Variants in SLC16A2 observed in about 807,000 individuals in gnomAD.
SLC16A2 encodes monocarboxylate transporter 8.
SLC16A2 carries 3 observed loss-of-function variants against 27.2 expected under a neutral mutation model. The observed-to-expected ratio is 0.11, with a 90% confidence interval of 0.05 to 0.28. The LOEUF is 0.28. Among genes scored for constraint, SLC16A2 ranks in the 10% least tolerant of loss-of-function variants. The probability of loss-of-function intolerance (pLI) is 1.00; values close to 1 mark genes in which losing one functional copy is unlikely to be tolerated. For synonymous variants in SLC16A2, 202 were observed against 187.8 expected (o/e 1.08, Z -0.62); for missense variants, 295 against 458.5 (o/e 0.64, Z 3.26).
chrX:74,526,867 G>T lies in SLC16A2; in HGVS notation c.1170+974G>T, dbSNP rs138678330. The stretch of plus-strand genomic sequence containing the variant: ...TATCAGCAAGTGCTTTATCTGGGTG[G>T]CTATTTGCATAGGAATATGTGTGGC... On this transcript the variant is annotated intron_variant, in intron 4 of 5. Transcript: ENST00000587091. Among the ~76,000 whole-genome samples, 394 of 112,787 alleles carry T rather than the reference G, an allele frequency of 3.5e-3. 5 individuals carry two copies. The highest frequency in any genetic ancestry group is 0.013 in the African/African-American group (389 of 31,060).
intron 1 of SLC16A2, chrX:74,477,196 G>C (rs1360562588): frequency 8.9e-6 from 1 of 111,734 alleles, no homozygotes. Context: ...GTTCTTCCTG[G>C]TTTAGTCTTG....
chrX:74,494,677 G>T (rs769191257), intron 1 of SLC16A2, among the ~76,000 whole-genome samples: 12 of 111,158 alleles, frequency 1.1e-4, no homozygotes, highest in Non-Finnish European at 1.9e-4. Context: ...CCATGGACCT[G>T]CAGGCTCTTC....
intron 1 of SLC16A2, among the ~76,000 whole-genome samples, chrX:74,504,414 GCACCTGT>G (rs751439974): frequency 1.8e-5 from 2 of 111,058 alleles, no homozygotes; most frequent in Non-Finnish European, 3.8e-5. Context: ...TACTACAGAG[GCACCTGT>G]CACATAAGTA....
chrX:74,473,247 C>T, intron 1 of SLC16A2: 3 of 742,738 alleles, frequency 4.0e-6, no homozygotes, highest in South Asian at 4.2e-5. Flanking sequence ...TATAGCCATC[C>T]CCACCGCCAC....
intron 5 of SLC16A2, 57 bp downstream of exon 5, chrX:74,529,498 C>A: frequency 1.1e-6 from 1 of 890,630 alleles, no homozygotes; most frequent in South Asian, 2.2e-5. Context: ...TCCCTGGGTA[C>A]TGGCACTCCT....
intron 1 of SLC16A2, among the ~76,000 whole-genome samples, chrX:74,449,822 C>G (rs868208605): frequency 8.9e-6 from 1 of 111,888 alleles, no homozygotes. Flanking sequence ...GTGAGGAACT[C>G]TTTTAAGTTT....
At chrX:74,511,389 G>C (rs911748493) in intron 1 of SLC16A2, among the ~76,000 whole-genome samples, 5 of 111,301 alleles carry the variant, frequency 4.5e-5, no homozygotes, top group Non-Finnish European at 9.4e-5. Flanking sequence ...CACCGTGTTA[G>C]CTATGATGGT....
In SLC16A2 at chrX:74,529,436, T is replaced by C. The variant is rs1930534079; in HGVS notation, c.1394T>C (p.Ile465Thr). 3 of 1,165,950 alleles carry C rather than the reference T, an allele frequency of 2.6e-6. No individual in the cohort carries two copies. Among genetic ancestry groups the C allele is most frequent in the Non-Finnish European group, 2.3e-6 (2 of 868,574 alleles). The change falls in exon 5 of 6, where the codon ATT (isoleucine) becomes ACT (threonine). Residue 465 changes from isoleucine to threonine, a missense_variant. By Grantham distance (89) the Ile-to-Thr change is moderately conservative. Coordinates refer to ENST00000587091, the MANE Select transcript of SLC16A2 (RefSeq NM_006517.5). The stretch of plus-strand genomic sequence containing the variant: ...CTGCCAATGATTGCTGGGCCCCCCA[T>C]TGCAGGTGAGGCTGATATTCCAGGG... ...MALPMIAGPP[I>T]AGLLRNCFGD...
chrX:74,458,379 G>A (rs766412091), intron 1 of SLC16A2, among the ~76,000 whole-genome samples: 3 of 111,359 alleles, frequency 2.7e-5, no homozygotes, highest in Admixed American at 9.6e-5. Context: ...TCAGAGTTTC[G>A]CTCTTGTTGC....
At chrX:74,484,323 AAG>A (rs1233315777) in intron 1 of SLC16A2, among the ~76,000 whole-genome samples, 2 of 111,702 alleles carry the variant, frequency 1.8e-5, no homozygotes, top group African/African-American at 3.3e-5. Flanking sequence ...AAACAACTTG[AAG>A]TTGGGGCTTC....
At chrX:74,448,302 ATTTTTTTTTT>A (rs144467927) in intron 1 of SLC16A2, among the ~76,000 whole-genome samples, 25 of 64,252 alleles carry the variant, frequency 3.9e-4, no homozygotes, top group East Asian at 6.0e-4. Context: ...AATCCTTTGG[ATTTTTTTTTT>A]TTTTTTTTTT....
chrX:74,527,350 G>A (rs1043405751), intron 4 of SLC16A2, among the ~76,000 whole-genome samples: 1 of 112,679 alleles, frequency 8.9e-6, no homozygotes, highest in African/African-American at 3.2e-5. Flanking sequence ...TGGGCCAAGA[G>A]CACAAGACAA....
intron 5 of SLC16A2, 48 bp from the exon 6 acceptor site, chrX:74,531,285 G>T: frequency 1.8e-6 from 2 of 1,101,693 alleles, no homozygotes; most frequent in Non-Finnish European, 2.5e-6. Flanking sequence ...AGTACCTTTG[G>T]ACAGTAGGGC....
At chrX:74,447,077 G>A (rs747253165) in intron 1 of SLC16A2, among the ~76,000 whole-genome samples, 2 of 112,196 alleles carry the variant, frequency 1.8e-5, no homozygotes, top group African/African-American at 3.2e-5. Context: ...GAATGACGGA[G>A]TTACTTGTTT....
intron 1 of SLC16A2, among the ~76,000 whole-genome samples, chrX:74,489,186 C>T (rs779124033): frequency 4.5e-5 from 5 of 111,962 alleles, no homozygotes; most frequent in Admixed American, 2.9e-4. Flanking sequence ...AGTTACTTCC[C>T]TGTTAACCAT....
chrX:74,487,171 G>T (rs1235411725), intron 1 of SLC16A2, among the ~76,000 whole-genome samples: 1 of 110,582 alleles, frequency 9.0e-6, no homozygotes, highest in Non-Finnish European at 1.9e-5. Flanking sequence ...AGTTGCATTC[G>T]TGAGACCCAT....
intron 1 of SLC16A2, among the ~76,000 whole-genome samples, chrX:74,422,695 G>T (rs1928331264): frequency 8.9e-6 from 1 of 112,342 alleles, no homozygotes; most frequent in Admixed American, 9.3e-5. Context: ...GGCCGCCGCC[G>T]TTACGGCCCA....
At chrX:74,502,213 T>C (rs973460587) in intron 1 of SLC16A2, among the ~76,000 whole-genome samples, 3 of 111,824 alleles carry the variant, frequency 2.7e-5, no homozygotes, top group Non-Finnish European at 5.6e-5. Flanking sequence ...ATGATCACTG[T>C]GTTGTTATTC....
intron 1 of SLC16A2, among the ~76,000 whole-genome samples, chrX:74,510,049 G>A (rs1930203177): frequency 8.9e-6 from 1 of 112,232 alleles, no homozygotes; most frequent in Admixed American, 9.4e-5. Flanking sequence ...TTTTGGAAGA[G>A]TTTGTGTAGA....
Sources: gnomAD v4.1 joint callset for allele counts (sites outside exome capture counted in the v4.1 genomes callset) on GRCh38, gnomAD v4.1.1 for gene constraint, MANE v1.5 for transcripts, NCBI Gene and HGNC (gene_info 2026-07-23, HGNC 2026-07-21) for gene names.